Variants in MAK observed in about 807,000 individuals in gnomAD.
The protein encoded by MAK is male germ cell associated kinase.
Under a neutral mutation model 82.6 loss-of-function variants are expected in MAK, and 65 were observed. The ratio of observed to expected loss-of-function variants is 0.79; its 90% CI spans 0.64 to 0.97. The LOEUF (loss-of-function observed/expected upper bound fraction) is 0.97. MAK is among the 50% of genes least tolerant of loss of function. The probability of loss-of-function intolerance (pLI) is 0.00; values close to 1 mark genes in which losing one functional copy is unlikely to be tolerated. For synonymous variants in MAK, 250 were observed against 274.2 expected (o/e 0.91, Z 0.87); for missense variants, 703 against 780.2 (o/e 0.90, Z 1.18).
chr6:10,803,699 C>T, intron 7 of MAK, 21 bp downstream of exon 7: 2 of 1,603,368 alleles, frequency 1.2e-6, no homozygotes, highest in Non-Finnish European at 1.7e-6. Context: ...GTTATAGCAA[C>T]TTAGGGACAA....
chr6:10,815,049 A>T (rs1445073566), intron 4 of MAK, among the ~76,000 whole-genome samples: 1 of 151,704 alleles, frequency 6.6e-6, no homozygotes, highest in Non-Finnish European at 1.5e-5. Context: ...AAAAAAAAAA[A>T]ATAAAGAAAG....
At position 10,764,255 on chromosome 6, in the gene MAK, CTG is replaced by C. The variant is rs1772187107; in HGVS notation, c.*195_*196del. 1 of 597,132 alleles carries C rather than the reference CTG, an allele frequency of 1.7e-6. No individual in the cohort carries two copies. The highest frequency in any genetic ancestry group is 3.0e-6 in the Non-Finnish European group (1 of 337,680). The allele number at this position is 597,132 out of a possible 1,614,324, so 37.0% of individuals were successfully genotyped here. ...GTAACATCCTACCCATATATCAACA[CTG>C]TGGGCAATGATGCTAAGAAAATGCA... On this transcript the variant is annotated 3_prime_UTR_variant, in exon 15 of 15. Transcript: ENST00000354489.
At chr6:10,772,233 T>C (rs542680503) in intron 13 of MAK, among the ~76,000 whole-genome samples, 1 of 152,354 alleles carries the variant, frequency 6.6e-6, no homozygotes, top group African/African-American at 2.4e-5. Flanking sequence ...GTACCTTGTA[T>C]GCTGTGAATT....
chr6:10,796,134 T>C lies in MAK; in HGVS notation c.1007A>G (p.Gln336Arg). Residue 336 changes from glutamine (Q) to arginine (R), a missense_variant, in exon 9 of 15, where the codon CAG becomes CGG. By Grantham distance (43) the Gln-to-Arg change is conservative. Transcript: ENST00000354489. ...DIIDQVVGQP[Q>R]PKTSQQPLQP... ...CAGTGGCTGCTGGCTAGTTTTTGGC[T>C]GGGGTTGTCCAACAACCTGATCGAT... 6.2e-7 allele frequency: 1 copy of C among 1,614,158 alleles called. No individual in the cohort carries two copies. The highest frequency in any genetic ancestry group is 8.5e-7 in the Non-Finnish European group (1 of 1,180,034).
At chr6:10,819,562 G>A (rs2127578438) in intron 2 of MAK, among the ~76,000 whole-genome samples, 1 of 152,174 alleles carries the variant, frequency 6.6e-6, no homozygotes, top group East Asian at 1.9e-4. Flanking sequence ...AACCCAGGAG[G>A]CAGAGGTTGT....
intron 1 of MAK, among the ~76,000 whole-genome samples, chr6:10,833,989 C>A (rs899575536): frequency 6.6e-6 from 1 of 152,304 alleles, no homozygotes; most frequent in South Asian, 2.1e-4. Flanking sequence ...TGCTTTTCTT[C>A]ATTTTGCCTT....
At chr6:10,788,625 A>G (rs1483976209) in intron 10 of MAK, among the ~76,000 whole-genome samples, 1 of 152,124 alleles carries the variant, frequency 6.6e-6, no homozygotes, top group East Asian at 1.9e-4. Context: ...AATCTGAGCT[A>G]CTAAGGAGAC....
chr6:10,794,073 A>G (rs1417811149), intron 9 of MAK, among the ~76,000 whole-genome samples: 1 of 152,212 alleles, frequency 6.6e-6, no homozygotes, highest in Non-Finnish European at 1.5e-5. Flanking sequence ...GTTTCTCTAG[A>G]GAAAAGGGCA....
intron 6 of MAK, among the ~76,000 whole-genome samples, chr6:10,807,824 A>G (rs1776612909): frequency 6.6e-6 from 1 of 151,680 alleles, no homozygotes; most frequent in African/African-American, 2.4e-5. Flanking sequence ...AGCACTATGC[A>G]TAGGAGGCCA....
Position 10,776,502 on chromosome 6 carries a change from C to T in MAK, c.1466-1043G>A, listed in dbSNP as rs1217070615. Among the ~76,000 whole-genome samples the T allele has an allele frequency of 2.0e-5, 3 of 152,122 alleles. No individual in the cohort carries two copies. Among genetic ancestry groups the T allele is most frequent in the East Asian group, 1.9e-4 (1 of 5,168 alleles). On this transcript the variant is annotated intron_variant, in intron 11 of 14. Coordinates refer to ENST00000354489, the MANE Select transcript of MAK (RefSeq NM_001242957.3). The surrounding 1 kb of genome is among the most constrained non-coding windows in gnomAD (Gnocchi z 4.3). ...GCAGTCTATGCCTTTTGGTCATTCA[C>T]GGAGAGTTTTCTTTATCTAGTGTAG... is the stretch of plus-strand genomic sequence containing the variant.
intron 11 of MAK, among the ~76,000 whole-genome samples, chr6:10,777,273 G>A (rs894438508): frequency 2.0e-5 from 3 of 152,006 alleles, no homozygotes; most frequent in Non-Finnish European, 4.4e-5. Context: ...TTAGCTGGGT[G>A]TGGTGGTGCC....
intron 9 of MAK, among the ~76,000 whole-genome samples, chr6:10,795,142 T>G (rs1480695956): frequency 6.6e-6 from 1 of 152,142 alleles, no homozygotes; most frequent in African/African-American, 2.4e-5. Context: ...ATTCTTTCTT[T>G]GAATTCTTCT....
chr6:10,790,867 T>C (rs1775016934), intron 10 of MAK, among the ~76,000 whole-genome samples: 1 of 152,318 alleles, frequency 6.6e-6, no homozygotes, highest in African/African-American at 2.4e-5. Flanking sequence ...CTTGGTACTA[T>C]CCTTGCGGTA....
At chr6:10,806,627 G>A (rs769969186) in intron 6 of MAK, among the ~76,000 whole-genome samples, 1 of 151,446 alleles carries the variant, frequency 6.6e-6, no homozygotes, top group Non-Finnish European at 1.5e-5. Context: ...AAAGTGCTGG[G>A]ATTACAGGCG....
intron 14 of MAK, among the ~76,000 whole-genome samples, chr6:10,764,957 G>A (rs565827228): frequency 3.3e-5 from 5 of 152,138 alleles, no homozygotes; most frequent in African/African-American, 4.8e-5. Context: ...TCAGCTGAGC[G>A]TGGTGGCGGG....
At position 10,803,824 on chromosome 6, in the gene MAK, C is replaced by G; in HGVS notation, c.559G>C (p.Gly187Arg). Reference sequence around the variant, plus strand: ...ATATAGAGTTCAGCCATGATACTTCCAACAGCCCACACATCAATGGGAGAA... The same window carrying G: ...ATATAGAGTTCAGCCATGATACTTCGAACAGCCCACACATCAATGGGAGAA... ...YSSPIDVWAV[G>R]SIMAELYMLR... The change falls in exon 7 of 15, where the codon GGA (glycine) becomes CGA (arginine). Residue 187 changes from glycine to arginine, a missense_variant. Gly to Arg is a moderately radical substitution (Grantham distance 125). Transcript: ENST00000354489. 16 of 1,613,980 alleles carry G rather than the reference C, an allele frequency of 9.9e-6. No individual in the cohort carries two copies. The highest frequency in any genetic ancestry group is 1.4e-5 in the Non-Finnish European group (16 of 1,179,944).
At chr6:10,797,653 T>A (rs1775670601) in intron 8 of MAK, 1 of 985,322 alleles carries the variant, frequency 1.0e-6, no homozygotes, top group Admixed American at 6.2e-5. Context: ...GGGGATGGGT[T>A]CCTTAAGATG....
At chr6:10,803,406 G>T (rs149916557) in intron 7 of MAK, among the ~76,000 whole-genome samples, 1 of 151,848 alleles carries the variant, frequency 6.6e-6, no homozygotes, top group Non-Finnish European at 1.5e-5. Context: ...TTGACCAGGC[G>T]TGGTGGTGCA....
chr6:10,794,805 C>A lies in MAK; in HGVS notation c.1143+1193G>T, dbSNP rs189263150. ...GTCAGGAGTTCAAGACCAGCCGGAC[C>A]AACATGGAGAAACCCCATCTCTACT... On this transcript the variant is annotated intron_variant, in intron 9 of 14. Coordinates refer to ENST00000354489, the MANE Select transcript of MAK (RefSeq NM_001242957.3). 8.3e-3 allele frequency among the ~76,000 whole-genome samples: 1,256 copies of A among 151,874 alleles called. 18 individuals are homozygous for A. Among genetic ancestry groups the A allele is most frequent in the African/African-American group, 0.028 (1,152 of 41,412 alleles).
Sources: allele counts gnomAD v4.1 joint callset (sites outside exome capture counted in the v4.1 genomes callset), GRCh38; gene constraint gnomAD v4.1.1; non-coding constraint Gnocchi (gnomAD v3.1); transcripts MANE v1.5; gene names NCBI Gene and HGNC (gene_info 2026-07-23, HGNC 2026-07-21).